Variants in BCAS2 observed in about 807,000 individuals in gnomAD.
The protein encoded by BCAS2 is BCAS2 pre-mRNA processing factor.
Under a neutral mutation model 35.3 loss-of-function variants are expected in BCAS2, and 34 were observed. That is an observed-to-expected ratio of 0.96 (90% CI 0.73 to 1.28). BCAS2 has a LOEUF of 1.28. Ranked by LOEUF, BCAS2 falls within the 50% of genes most tolerant of loss-of-function variation. BCAS2 has a pLI of 0.00. For missense variants in BCAS2, 221 were observed against 268.1 expected (o/e 0.82, Z 1.23); for synonymous variants, 75 against 91.6 (o/e 0.82, Z 1.03).
intron 2 of BCAS2, 74 bp from the exon 3 acceptor site, chr1:114,576,832 A>G (rs1570740440): frequency 8.7e-7 from 1 of 1,152,590 alleles, no homozygotes; most frequent in East Asian, 2.5e-5. Flanking sequence ...CAAAGAACAG[A>G]TTTAAGCTAC....
chr1:114,574,770 T>C (rs1184139522), intron 4 of BCAS2, among the ~76,000 whole-genome samples: 1 of 152,240 alleles, frequency 6.6e-6, no homozygotes, highest in East Asian at 1.9e-4. Context: ...GGTTTCAAAA[T>C]AGTGGCCTTT....
chr1:114,569,888 T>C, intron 6 of BCAS2, 104 bp downstream of exon 6: 1 of 849,674 alleles, frequency 1.2e-6, no homozygotes, highest in Non-Finnish European at 1.9e-6. Flanking sequence ...AGCATTTCTT[T>C]GTTACCTGTG....
Position 114,567,971 on chromosome 1 carries a change from A to T in BCAS2, c.*159T>A. 1.1e-6 allele frequency: 1 copy of T among 940,788 alleles called. No homozygotes were observed. Among genetic ancestry groups the T allele is most frequent in the Non-Finnish European group, 1.6e-6 (1 of 636,534 alleles). The allele number at this position is 940,788 out of a possible 1,614,324, so 58.3% of individuals were successfully genotyped here. A position where few individuals can be genotyped will look rare whatever the true frequency, so the allele number is the denominator to read the frequency against. ...CTAGACATTTTAATTCTGTTGAGAT[A>T]TACAAATAGAATTACCACAGCAGCC... On this transcript the variant is annotated 3_prime_UTR_variant, in exon 7 of 7. Transcript: ENST00000369541.
At position 114,575,763 on chromosome 1, in the gene BCAS2, CAACAA is replaced by C; in HGVS notation, c.258-17_258-13del. ...CTGGAAGCTCATATCTGAAATTAAA[CAACAA>C]AATAAAATAAAACCATCTATACTGC... is the stretch of plus-strand genomic sequence containing the variant. On this transcript the variant is annotated splice_polypyrimidine_tract_variant and intron_variant, in intron 3 of 6. Coordinates refer to ENST00000369541, the MANE Select transcript of BCAS2 (RefSeq NM_005872.3). 6.2e-7 allele frequency: 1 copy of C among 1,609,322 alleles called. No individual in the cohort carries two copies. Among genetic ancestry groups the C allele is most frequent in the South Asian group, 1.1e-5 (1 of 90,112 alleles).
chr1:114,569,507 C>CTT (rs79526850), intron 6 of BCAS2, among the ~76,000 whole-genome samples: 1 of 142,800 alleles, frequency 7.0e-6, no homozygotes, highest in African/African-American at 2.6e-5. Flanking sequence ...AATTTTTTTC[C>CTT]TTTTTTTTTT....
At chr1:114,574,861 T>C (rs1051674939) in intron 4 of BCAS2, among the ~76,000 whole-genome samples, 1 of 152,038 alleles carries the variant, frequency 6.6e-6, no homozygotes, top group Non-Finnish European at 1.5e-5. Context: ...CTACCCATAC[T>C]TTGTGGGGTT....
chr1:114,576,247 C>CTATATATA (rs67885657), intron 3 of BCAS2, among the ~76,000 whole-genome samples: 10 of 131,650 alleles, frequency 7.6e-5, no homozygotes, highest in African/African-American at 2.6e-4. Context: ...CTCTCTCTCT[C>CTATATATA]TATATATATA....
At chr1:114,573,427 T>G (rs1654691775) in intron 4 of BCAS2, among the ~76,000 whole-genome samples, 1 of 152,122 alleles carries the variant, frequency 6.6e-6, no homozygotes, top group African/African-American at 2.4e-5. Flanking sequence ...AGACAGGGTT[T>G]CACTTACGTT....
At position 114,575,597 on chromosome 1, in the gene BCAS2, A is replaced by G; in HGVS notation, c.412T>C (p.Tyr138His). ...GAAGAAAAAGGTTCTTACTCATTGT[A>G]TACTTTCCAGGCATTACATCCATGC... ...SQHGCNAWKV[Y>H]NENLVHMIEH... Residue 138 changes from tyrosine (Y) to histidine (H), a missense_variant, in exon 4 of 7, where the codon TAC becomes CAC. Tyr to His is a moderately conservative substitution (Grantham distance 83, BLOSUM62 2). Transcript: ENST00000369541. The G allele has an allele frequency of 6.3e-7, 1 of 1,596,982 alleles. No individual in the cohort carries two copies. The highest frequency in any genetic ancestry group is 8.5e-7 in the Non-Finnish European group (1 of 1,176,082).
intron 6 of BCAS2, among the ~76,000 whole-genome samples, chr1:114,569,237 T>G (rs1227324369): frequency 6.6e-6 from 1 of 151,848 alleles, no homozygotes. Flanking sequence ...TTTATTAAAT[T>G]GAGGAAAAAG....
rs373813665 is a variant in BCAS2, at chr1:114,581,374, C to T, written c.111G>A (p.Glu37=). The T allele has an allele frequency of 1.9e-6, 3 of 1,614,148 alleles. No homozygotes were observed. Among genetic ancestry groups the T allele is most frequent in the Non-Finnish European group, 1.7e-6 (2 of 1,180,020 alleles). ...TAGGTCGGTATCTGCGAGTTTCCTC[C>T]TCCACCAGCGCTGCAGCCTAAGAAA... ...GVREAAAALV[E]EETRRYRPTK... Residue 37 remains glutamate (E), a synonymous_variant, in exon 2 of 7, where the codon GAG becomes GAA. Transcript: ENST00000369541.
chr1:114,576,831 G>C, intron 2 of BCAS2, 73 bp from the exon 3 acceptor site: 1 of 1,154,114 alleles, frequency 8.7e-7, no homozygotes, highest in Non-Finnish European at 1.3e-6. Flanking sequence ...CCAAAGAACA[G>C]ATTTAAGCTA....
In BCAS2 at chr1:114,568,222, C is replaced by T; in HGVS notation, c.586G>A (p.Glu196Lys). ...VSLVSKNYEI[E>K]RTIVQLENEI... is the part of the protein sequence containing the mutation. Reference sequence around the variant, plus strand: ...TTTTCTAGCTGAACAATAGTCCGTTCAATCTCATAATTCTTACTGACCAGG... The same window carrying T: ...TTTTCTAGCTGAACAATAGTCCGTTTAATCTCATAATTCTTACTGACCAGG... Residue 196 changes from glutamate (E) to lysine (K), a missense_variant, in exon 7 of 7, where the codon GAA becomes AAA. Transcript: ENST00000369541. 1 of 1,613,920 alleles carries T rather than the reference C, an allele frequency of 6.2e-7. No homozygotes were observed. Among genetic ancestry groups the T allele is most frequent in the Non-Finnish European group, 8.5e-7 (1 of 1,179,934 alleles).
intron 4 of BCAS2, among the ~76,000 whole-genome samples, chr1:114,575,171 TTTTC>T (rs1338490670): frequency 1.6e-5 from 2 of 127,348 alleles, no homozygotes; most frequent in Non-Finnish European, 3.1e-5. Flanking sequence ...CGCGCCCGGC[TTTTC>T]TTTTTCTTTT....
intron 2 of BCAS2, among the ~76,000 whole-genome samples, chr1:114,578,520 C>G (rs530404256): frequency 6.6e-6 from 1 of 152,190 alleles, no homozygotes; most frequent in African/African-American, 2.4e-5. Flanking sequence ...TAGCTCATCT[C>G]TCTCCAAAGA....
chr1:114,573,150 A>C (rs1014806451), intron 4 of BCAS2, among the ~76,000 whole-genome samples: 4 of 127,834 alleles, frequency 3.1e-5, no homozygotes, highest in Admixed American at 2.7e-4. Flanking sequence ...AAAAAAAAAA[A>C]ACTTGGCCTC....
intron 2 of BCAS2, among the ~76,000 whole-genome samples, chr1:114,577,373 A>ATT (rs151333752): frequency 0.14 from 20,462 of 150,544 alleles, 1,859 homozygotes; most frequent in Non-Finnish European, 0.2. Flanking sequence ...TTATTTATTT[A>ATT]TTTATTTTTT....
At chr1:114,581,158 T>C (rs185472307) in intron 2 of BCAS2, 141 bp downstream of exon 2, 13 of 827,308 alleles carry the variant, frequency 1.6e-5, no homozygotes, top group Admixed American at 1.4e-4. Context: ...ATCTATCTAG[T>C]TGTTTTCAAT....
intron 6 of BCAS2, among the ~76,000 whole-genome samples, chr1:114,569,163 C>G (rs201847841): frequency 6.6e-6 from 1 of 150,838 alleles, no homozygotes; most frequent in East Asian, 1.9e-4. Context: ...AACTTGCAAA[C>G]CAGAAGAAAG....
Sources: gnomAD v4.1 joint callset for allele counts (sites outside exome capture counted in the v4.1 genomes callset) on GRCh38, gnomAD v4.1.1 for gene constraint, MANE v1.5 for transcripts, NCBI Gene and HGNC (gene_info 2026-07-23, HGNC 2026-07-21) for gene names.